CCR3: variants seen among roughly 807,000 people sequenced by gnomAD.
CCR3 encodes the protein C-C chemokine receptor type 3.
For missense variants in CCR3, 419 were observed against 437.5 expected, an observed-to-expected ratio of 0.96 and a Z score of 0.38; for synonymous variants, 203 against 179.2, an observed-to-expected ratio of 1.13 and a Z score of -1.06.
At chr3:46,229,690 C>T (rs974071034) in intron 2 of CCR3, among the ~76,000 whole-genome samples, 2 of 152,084 alleles carry the variant, frequency 1.3e-5, no homozygotes, top group African/African-American at 2.4e-5. Context: ...CCTCAAATCA[C>T]GGACATTAAA....
intron 2 of CCR3, among the ~76,000 whole-genome samples, chr3:46,223,683 A>T (rs995284500): frequency 2.6e-5 from 4 of 152,200 alleles, no homozygotes; most frequent in Non-Finnish European, 5.9e-5. Context: ...ATTCAGAGTG[A>T]CATTATCACG....
At chr3:46,212,160 G>A (rs942019306) in intron 2 of CCR3, among the ~76,000 whole-genome samples, 1 of 152,144 alleles carries the variant, frequency 6.6e-6, no homozygotes, top group African/African-American at 2.4e-5. Context: ...TAACCAAGAC[G>A]GGGCAGGGCC....
intron 1 of CCR3, among the ~76,000 whole-genome samples, chr3:46,261,201 T>C (rs1283925114): frequency 6.6e-6 from 1 of 152,218 alleles, no homozygotes; most frequent in Admixed American, 6.5e-5. Context: ...TATGTTTTTA[T>C]AAGTAATTGA....
chr3:46,213,061 G>A (rs1419027166), intron 2 of CCR3, among the ~76,000 whole-genome samples: 1 of 152,182 alleles, frequency 6.6e-6, no homozygotes, highest in Non-Finnish European at 1.5e-5. Flanking sequence ...TATTAGCTCT[G>A]GTTTGAAATT....
chr3:46,227,708 G>A (rs538570384), intron 2 of CCR3, among the ~76,000 whole-genome samples: 3 of 152,038 alleles, frequency 2.0e-5, no homozygotes, highest in Non-Finnish European at 1.5e-5. Flanking sequence ...CACATACCTT[G>A]ATATATTATT....
chr3:46,264,643 A>C, intron 1 of CCR3: 11 of 538,802 alleles, frequency 2.0e-5, no homozygotes, highest in East Asian at 1.4e-4. Context: ...TGAATGGCTC[A>C]TCATTATGGG....
chr3:46,220,072 A>G (rs1699817530), intron 2 of CCR3, among the ~76,000 whole-genome samples: 1 of 152,246 alleles, frequency 6.6e-6, no homozygotes, highest in Admixed American at 6.5e-5. Context: ...AGTGGGAGAA[A>G]ATCTTTGCAA....
At position 46,224,247 on chromosome 3, in the gene CCR3, G is replaced by T. The variant is rs546868585; in HGVS notation, c.-68+13340G>T. ...AATGAGACGAACCAATGAGACAGCA[G>T]CACATAACCACCAGAATGGCTAAAA... On this transcript the variant is annotated intron_variant, in intron 2 of 3. Coordinates refer to the CCR3 transcript ENST00000357422. Among the ~76,000 whole-genome samples the T allele has an allele frequency of 7.2e-4, 109 of 152,208 alleles. 1 individual carries two copies. Among genetic ancestry groups the T allele is most frequent in the Non-Finnish European group, 1.2e-3 (85 of 68,016 alleles).
chr3:46,241,360 T>TCC (rs1700082425), upstream of CCR3, among the ~76,000 whole-genome samples: 3 of 152,178 alleles, frequency 2.0e-5, no homozygotes, highest in Non-Finnish European at 1.5e-5. Flanking sequence ...TCAGAGTTCT[T>TCC]CCCACAAATA....
chr3:46,266,224 T>C lies in CCR3; in HGVS notation c.1066T>C (p.Ter356GlnextTer15), dbSNP rs201784735. Residue 356 changes from the stop codon to glutamine, a stop_lost, in exon 2 of 2, where the codon TAG becomes CAG. Transcript: ENST00000395940. The stretch of plus-strand genomic sequence containing the variant: ...AGAGCCGGAACTCTCTATTGTGTTT[T>C]AGGTCAGATGCAGAAAATTGCCTAA... ...TAEPELSIVF[*>Q] The C allele has an allele frequency of 2.5e-6, 4 of 1,600,350 alleles. No individual in the cohort carries two copies. The highest frequency in any genetic ancestry group is 3.4e-6 in the Non-Finnish European group (4 of 1,169,922).
At chr3:46,235,651 A>T (rs1700016461) in intron 2 of CCR3, among the ~76,000 whole-genome samples, 1 of 152,212 alleles carries the variant, frequency 6.6e-6, no homozygotes, top group South Asian at 2.1e-4. Context: ...TTCATCTTAC[A>T]TTTCAAAAGG....
At chr3:46,252,705 G>A (rs539329888) in intron 1 of CCR3, among the ~76,000 whole-genome samples, 40 of 152,284 alleles carry the variant, frequency 2.6e-4, no homozygotes, top group African/African-American at 7.9e-4. Flanking sequence ...GGGATAGCTG[G>A]TGGAGAGGTG....
At chr3:46,234,047 T>C (rs1699996817) in intron 2 of CCR3, among the ~76,000 whole-genome samples, 1 of 152,266 alleles carries the variant, frequency 6.6e-6, no homozygotes, top group South Asian at 2.1e-4. Context: ...GGGGGCAGTA[T>C]GCCCTTGTAG....
chr3:46,212,039 C>T (rs1364431180), intron 2 of CCR3, among the ~76,000 whole-genome samples: 1 of 152,144 alleles, frequency 6.6e-6, no homozygotes. Context: ...TATTTATTTG[C>T]CTTTCATGAC....
At chr3:46,212,958 T>A (rs971820181) in intron 2 of CCR3, among the ~76,000 whole-genome samples, 1 of 152,156 alleles carries the variant, frequency 6.6e-6, no homozygotes, top group Non-Finnish European at 1.5e-5. Flanking sequence ...TTGTATACAT[T>A]GGGTACTTTT....
intron 1 of CCR3, among the ~76,000 whole-genome samples, chr3:46,246,845 C>T (rs2125928935): frequency 6.6e-6 from 1 of 152,134 alleles, no homozygotes. Context: ...AGGGCTGCTT[C>T]AAGCGGGATT....
chr3:46,259,852 G>T (rs1388842720), intron 1 of CCR3, among the ~76,000 whole-genome samples: 1 of 152,196 alleles, frequency 6.6e-6, no homozygotes, highest in Non-Finnish European at 1.5e-5. Flanking sequence ...AAAGTGACAA[G>T]TAAAAGATTT....
At chr3:46,220,648 T>C (rs1699826004) in intron 2 of CCR3, among the ~76,000 whole-genome samples, 1 of 152,184 alleles carries the variant, frequency 6.6e-6, no homozygotes, top group African/African-American at 2.4e-5. Context: ...GTGATATACA[T>C]ATACCATGGA....
At chr3:46,228,667 C>T (rs1291462045) in intron 2 of CCR3, among the ~76,000 whole-genome samples, 1 of 152,242 alleles carries the variant, frequency 6.6e-6, no homozygotes, top group East Asian at 1.9e-4. Flanking sequence ...ACAGCACAGG[C>T]TTAGGAATTA....
Sources: allele counts gnomAD v4.1 joint callset (sites outside exome capture counted in the v4.1 genomes callset), GRCh38; gene constraint gnomAD v4.1.1; transcripts MANE v1.5; gene names NCBI Gene and HGNC (gene_info 2026-07-23, HGNC 2026-07-21).